Variants in ASTN2 observed in about 807,000 individuals in gnomAD.
ASTN2 encodes the protein astrotactin 2, also known as astrotactin-2.
ASTN2 carries 54 observed loss-of-function variants against 139.8 expected under a neutral mutation model. That is an observed-to-expected ratio of 0.39 (90% CI 0.31 to 0.48). The LOEUF is 0.48. Ranked by LOEUF, ASTN2 falls within the 20% of genes least tolerant of loss-of-function variation. The pLI is 0.95. For synonymous variants in ASTN2, 756 were observed against 719.5 expected, an observed-to-expected ratio of 1.05 and a Z score of -0.81; for missense variants, 1,565 against 1,725.1, an observed-to-expected ratio of 0.91 and a Z score of 1.64.
In ASTN2 at chr9:116,967,375, T is replaced by A. The variant is rs1382285600; in HGVS notation, c.1889+7833A>T. On this transcript the variant is annotated intron_variant, in intron 10 of 22. Coordinates refer to ENST00000313400, the MANE Select transcript of ASTN2 (RefSeq NM_001365068.1). Reference sequence around the variant, plus strand: ...TATCCATGCTATTCACTTCGCCCAATACCTCTTCTGTGTTTCAAGCAGGTA... The same window carrying A: ...TATCCATGCTATTCACTTCGCCCAAAACCTCTTCTGTGTTTCAAGCAGGTA... Among the ~76,000 whole-genome samples, 3 of 152,176 alleles carry A rather than the reference T, an allele frequency of 2.0e-5. No homozygotes were observed. In the East Asian group the frequency reaches 5.8e-4, roughly 29 times the overall value.
At chr9:117,182,330 C>CAG (rs947257982) in intron 3 of ASTN2, among the ~76,000 whole-genome samples, 17 of 151,114 alleles carry the variant, frequency 1.1e-4, no homozygotes, top group South Asian at 1.0e-3. Context: ...GACACAGACA[C>CAG]ACACACACAC....
rs865937799 is a variant in ASTN2 at position 117,100,532 on chromosome 9, C to T, written c.1169-4381G>A. Among the ~76,000 whole-genome samples, 8 of 152,286 alleles carry T rather than the reference C, an allele frequency of 5.3e-5. No homozygotes were observed. In the South Asian group the frequency reaches 1.2e-3, roughly 24 times the overall value. ...TTACCGAAGTATTTTATATATTTTTCATAAGTCTTCAAAACCCAGTATGCA... is the reference window on the plus strand; with the variant it reads ...TTACCGAAGTATTTTATATATTTTTTATAAGTCTTCAAAACCCAGTATGCA... On this transcript the variant is annotated intron_variant, in intron 4 of 22. Transcript: ENST00000313400.
In ASTN2 at chr9:116,698,182, G is replaced by C. The variant is rs552938001; in HGVS notation, c.2806+27589C>G. 6.2e-7 allele frequency: 1 copy of C among 1,614,126 alleles called. No individual in the cohort carries two copies. The highest frequency in any genetic ancestry group is 8.5e-7 in the Non-Finnish European group (1 of 1,180,042). On this transcript the variant is annotated intron_variant, in intron 16 of 22. Coordinates refer to ENST00000313400, the MANE Select transcript of ASTN2 (RefSeq NM_001365068.1). The surrounding 1 kb of genome is among the most constrained non-coding windows in gnomAD (Gnocchi z 4.4). ...AAAGAAGCAGCTGAGGAGCGGCGTCGGGACTTTGGAGAGAAGTTAACTCGT... is the reference window on the plus strand; with the variant it reads ...AAAGAAGCAGCTGAGGAGCGGCGTCCGGACTTTGGAGAGAAGTTAACTCGT...
intron 1 of ASTN2, among the ~76,000 whole-genome samples, chr9:117,379,227 G>C (rs1242403217): frequency 6.6e-6 from 1 of 152,152 alleles, no homozygotes; most frequent in Non-Finnish European, 1.5e-5. Context: ...CAGAAATAAA[G>C]AGTTTGATAT....
intron 13 of ASTN2, among the ~76,000 whole-genome samples, chr9:116,803,536 T>TAGACGGAG (rs1830953119): frequency 8.0e-6 from 1 of 125,016 alleles, no homozygotes; most frequent in African/African-American, 2.9e-5. Context: ...TTTTTTTTTT[T>TAGACGGAG]TTTTTTTAGA....
chr9:116,612,234 G>C (rs1429604421), intron 19 of ASTN2: 1 of 152,126 alleles, frequency 6.6e-6, no homozygotes, highest in African/African-American at 2.4e-5. Flanking sequence ...AGTCCTTAGA[G>C]ACTTACAAAG....
At position 116,710,755 on chromosome 9, in the gene ASTN2, A is replaced by AAAG. The variant is rs1423229054; in HGVS notation, c.2806+15013_2806+15015dup. ...TCTCAAAAAAAAAAAAAAAAAAAAA[A>AAAG]AAGAAGAGAAAAAAGAAAGAAAATT... On this transcript the variant is annotated intron_variant, in intron 16 of 22. Coordinates refer to ENST00000313400, the MANE Select transcript of ASTN2 (RefSeq NM_001365068.1). Among the ~76,000 whole-genome samples, 118 of 148,026 alleles carry AAAG rather than the reference A, an allele frequency of 8.0e-4. 1 individual carries two copies. The highest frequency in any genetic ancestry group is 2.9e-3 in the African/African-American group (114 of 38,690).
chr9:116,779,850 C>A (rs1394446813), intron 13 of ASTN2, among the ~76,000 whole-genome samples: 1 of 152,058 alleles, frequency 6.6e-6, no homozygotes, highest in Non-Finnish European at 1.5e-5. Flanking sequence ...TTTAAATTCC[C>A]CCCTGGTCTC....
At chr9:117,308,119 C>T (rs527504729) in intron 1 of ASTN2, among the ~76,000 whole-genome samples, 359 of 152,312 alleles carry the variant, frequency 2.4e-3, no homozygotes, top group Admixed American at 7.3e-3. Context: ...CAGCTCCAGG[C>T]GGCCCAGTGA....
chr9:116,663,414 GA>G (rs1858677919), intron 16 of ASTN2, among the ~76,000 whole-genome samples: 2 of 152,240 alleles, frequency 1.3e-5, no homozygotes, highest in South Asian at 2.1e-4. Flanking sequence ...GGAACCATTA[GA>G]AAACACTCTC....
intron 2 of ASTN2, among the ~76,000 whole-genome samples, chr9:117,219,254 A>G (rs9299249): frequency 0.57 from 85,930 of 151,866 alleles, 25,248 homozygotes; most frequent in African/African-American, 0.72. Context: ...CTTCTTTAAC[A>G]GCTTCCCACA....
rs753108548 is a variant in ASTN2 at position 117,106,287 on chromosome 9, C to T, written c.1169-10136G>A. 1.2e-4 allele frequency among the ~76,000 whole-genome samples: 18 copies of T among 151,950 alleles called. No individual in the cohort carries two copies. The South Asian group carries it at 1.5e-3, about 12-fold the overall frequency. On this transcript the variant is annotated intron_variant, in intron 4 of 22. Transcript: ENST00000313400. ...TGTAACCCAGGCTGGAGTGCAGTAG[C>T]GCAATCTCGGCTCACTGCAACCTCC...
At chr9:116,641,565 A>T (rs138376884) in intron 17 of ASTN2, among the ~76,000 whole-genome samples, 1 of 152,280 alleles carries the variant, frequency 6.6e-6, no homozygotes, top group East Asian at 1.9e-4. Flanking sequence ...AATGTTTGTT[A>T]TTATTAAAAG....
chr9:116,718,654 A>G (rs564760089), intron 16 of ASTN2, among the ~76,000 whole-genome samples: 24 of 152,228 alleles, frequency 1.6e-4, no homozygotes, highest in South Asian at 4.2e-4. Context: ...GAAGGCCCCA[A>G]TAGAACCAAA....
intron 16 of ASTN2, among the ~76,000 whole-genome samples, chr9:116,670,152 G>A (rs1002317106): frequency 8.6e-5 from 13 of 152,018 alleles, no homozygotes; most frequent in Admixed American, 3.3e-4. Context: ...CATCTATTTG[G>A]GATGCTGAAC....
At chr9:117,389,369 G>C (rs1003141773) in intron 1 of ASTN2, among the ~76,000 whole-genome samples, 3 of 152,196 alleles carry the variant, frequency 2.0e-5, no homozygotes, top group Non-Finnish European at 4.4e-5. Context: ...CTTGATTGCA[G>C]AGAAAGGAAA....
intron 19 of ASTN2, among the ~76,000 whole-genome samples, chr9:116,572,612 C>T (rs1335698729): frequency 6.6e-6 from 1 of 150,984 alleles, no homozygotes; most frequent in Non-Finnish European, 1.5e-5. Context: ...GGTCTCAGCC[C>T]CATGGGCATA....
intron 4 of ASTN2, among the ~76,000 whole-genome samples, chr9:117,097,073 C>T (rs1229671612): frequency 2.6e-5 from 4 of 152,168 alleles, no homozygotes; most frequent in Admixed American, 2.0e-4. Flanking sequence ...TCCAGTGGTA[C>T]CTAGGCTGCA....
chr9:116,445,665 C>G (rs886678925), intron 20 of ASTN2, among the ~76,000 whole-genome samples: 3 of 152,172 alleles, frequency 2.0e-5, no homozygotes, highest in Non-Finnish European at 4.4e-5. Context: ...TCTCCAATTG[C>G]TGGCTGAATA....
Sources: allele counts gnomAD v4.1 joint callset (sites outside exome capture counted in the v4.1 genomes callset), GRCh38; gene constraint gnomAD v4.1.1; non-coding constraint Gnocchi (gnomAD v3.1); transcripts MANE v1.5; gene names NCBI Gene and HGNC (gene_info 2026-07-23, HGNC 2026-07-21).